The following SP4 variants were observed in gnomAD, a reference collection of about 807,000 sequenced individuals.
SP4 encodes the protein transcription factor Sp4.
SP4 carries 19 observed loss-of-function variants against 72.8 expected under a neutral mutation model. The observed-to-expected ratio is 0.26, with a 90% CI of 0.18 to 0.38. The LOEUF (loss-of-function observed/expected upper bound fraction) is 0.38, where lower values mean the gene tolerates loss of function less well. Ranked by LOEUF, SP4 falls within the 10% of genes least tolerant of loss-of-function variation. The pLI, the probability that SP4 is intolerant of heterozygous loss-of-function variation, is 1.00. For synonymous variants in SP4, 395 were observed against 333.1 expected (o/e 1.19, Z -2.02); for missense variants, 1,008 against 926.3 (o/e 1.09, Z -1.14).
intron 3 of SP4, among the ~76,000 whole-genome samples, chr7:21,443,058 A>C (rs1783311004): frequency 6.6e-6 from 1 of 152,254 alleles, no homozygotes; most frequent in Admixed American, 6.5e-5. Flanking sequence ...TGTAAACATT[A>C]CAAAATTGAG....
Position 21,428,179 on chromosome 7 carries a change from T to TCCCCCCCCCCCCCCCCCCCCCC in SP4, c.-70_-69insCCCCCCCCCCCCCCCCCCCCCC. ...GCGGGCGGGCGGGACCGGCCTCTCCTCCCGCCTCGCCCCCACCCCCACCCA... is the reference window on the plus strand; with the variant it reads ...GCGGGCGGGCGGGACCGGCCTCTCCTCCCCCCCCCCCCCCCCCCCCCCCCCGCCTCGCCCCCACCCCCACCCA... On this transcript the variant is annotated 5_prime_UTR_variant, in exon 1 of 6. Coordinates refer to ENST00000222584, the MANE Select transcript of SP4 (RefSeq NM_003112.5). The TCCCCCCCCCCCCCCCCCCCCCC allele has an allele frequency of 5.0e-6, 3 of 600,794 alleles. No individual in the cohort carries two copies. The highest frequency in any genetic ancestry group is 3.8e-5 in the East Asian group (1 of 26,626). 37.2% of individuals were successfully genotyped at this position (600,794 alleles called of 1,614,324 possible). A position where few individuals can be genotyped will look rare whatever the true frequency, so the allele number is the denominator to read the frequency against.
At chr7:21,467,354 C>A (rs1400938499) in intron 3 of SP4, among the ~76,000 whole-genome samples, 1 of 151,892 alleles carries the variant, frequency 6.6e-6, no homozygotes, top group Non-Finnish European at 1.5e-5. Context: ...AAAAAAACAA[C>A]TTTATTTATA....
At chr7:21,437,620 C>T (rs1022790685) in intron 3 of SP4, among the ~76,000 whole-genome samples, 23 of 152,006 alleles carry the variant, frequency 1.5e-4, no homozygotes, top group African/African-American at 5.6e-4. Flanking sequence ...TCTTAATAGG[C>T]TGAAATGGTG....
chr7:21,457,475 A>G (rs189751102), intron 3 of SP4, among the ~76,000 whole-genome samples: 4 of 152,278 alleles, frequency 2.6e-5, no homozygotes, highest in Non-Finnish European at 5.9e-5. Context: ...AGCTCTGTTG[A>G]AAAAAAACTT....
rs547141000 is a variant in SP4, at chr7:21,434,444, A to G, written c.1678+3601A>G. Among the ~76,000 whole-genome samples the G allele has an allele frequency of 2.0e-5, 3 of 152,278 alleles. No homozygotes were observed. The East Asian group carries it at 5.8e-4, about 29-fold the overall frequency. ...TAGGGGGATCCTCTTCCCATTAACA[A>G]CGTGTTCAGTATAATGTGTTTCTGT... On this transcript the variant is annotated intron_variant, in intron 3 of 5. Transcript: ENST00000222584.
rs1422644253 is a variant in SP4 at position 21,513,154 on chromosome 7, T to C, written c.*1885T>C. ...AATTCTCTTCCAAAATTGTGATGTT[T>C]CTTGTATTTTTGATGAAGGAGAAAT... is the stretch of plus-strand genomic sequence containing the variant. On this transcript the variant is annotated 3_prime_UTR_variant, in exon 6 of 6. Transcript: ENST00000222584. The C allele has an allele frequency of 2.0e-5, 3 of 152,636 alleles. No homozygotes were observed. The highest frequency in any genetic ancestry group is 7.2e-5 in the African/African-American group (3 of 41,456). The allele number at this position is 152,636 out of a possible 1,614,324, so 9.5% of individuals were successfully genotyped here.
chr7:21,474,254 G>A (rs536446727), intron 3 of SP4, among the ~76,000 whole-genome samples: 2 of 151,880 alleles, frequency 1.3e-5, no homozygotes, highest in African/African-American at 4.8e-5. Flanking sequence ...ATATTATTGC[G>A]ACCTTTAAAG....
At chr7:21,477,455 T>C (rs1784535483) in intron 4 of SP4, 148 bp downstream of exon 4, 1 of 628,158 alleles carries the variant, frequency 1.6e-6, no homozygotes, top group African/African-American at 1.8e-5. Flanking sequence ...GGAATTAAGT[T>C]GGGCTATTTT....
At chr7:21,478,741 A>G (rs1377622984) in intron 4 of SP4, among the ~76,000 whole-genome samples, 1 of 152,206 alleles carries the variant, frequency 6.6e-6, no homozygotes, top group African/African-American at 2.4e-5. Flanking sequence ...TATATATTCT[A>G]CATACAAATT....
intron 3 of SP4, among the ~76,000 whole-genome samples, chr7:21,475,120 G>GTT (rs563629984): frequency 7.0e-6 from 1 of 143,346 alleles, no homozygotes; most frequent in East Asian, 2.0e-4. Flanking sequence ...TTTGTTTTTT[G>GTT]TTTTTTTTTT....
intron 5 of SP4, among the ~76,000 whole-genome samples, chr7:21,498,254 CTA>C (rs1216973737): frequency 2.0e-5 from 3 of 151,944 alleles, no homozygotes; most frequent in African/African-American, 7.3e-5. Flanking sequence ...TAAAAGTAAT[CTA>C]GAGATGATTT....
intron 3 of SP4, among the ~76,000 whole-genome samples, chr7:21,468,022 G>A (rs1009041970): frequency 7.9e-5 from 12 of 151,876 alleles, no homozygotes; most frequent in African/African-American, 1.9e-4. Flanking sequence ...TCAAATTTGC[G>A]GATCTGTCTT....
intron 3 of SP4, among the ~76,000 whole-genome samples, chr7:21,466,439 T>A (rs1378272500): frequency 2.0e-5 from 3 of 152,196 alleles, no homozygotes; most frequent in African/African-American, 7.2e-5. Context: ...ATACACTATT[T>A]CAGTCAACTC....
intron 3 of SP4, among the ~76,000 whole-genome samples, chr7:21,465,727 A>C (rs533142908): frequency 6.6e-6 from 1 of 152,096 alleles, no homozygotes; most frequent in Non-Finnish European, 1.5e-5. Flanking sequence ...TTAGCTGGGT[A>C]TGGTGGCACT....
At chr7:21,483,966 T>C (rs1295296988) in intron 5 of SP4, among the ~76,000 whole-genome samples, 1 of 151,910 alleles carries the variant, frequency 6.6e-6, no homozygotes, top group African/African-American at 2.4e-5. Flanking sequence ...CTGACATTTC[T>C]AAATCAGCTG....
chr7:21,477,482 C>T (rs1004903871), intron 4 of SP4, among the ~76,000 whole-genome samples, 175 bp downstream of exon 4: 4 of 152,194 alleles, frequency 2.6e-5, no homozygotes, highest in African/African-American at 4.8e-5. Context: ...GAAATTTGAG[C>T]GGTCCTCCGC....
At chr7:21,491,902 T>C (rs112269847) in intron 5 of SP4, among the ~76,000 whole-genome samples, 88 of 139,904 alleles carry the variant, frequency 6.3e-4, no homozygotes, top group African/African-American at 2.2e-3. Context: ...GTAAAATTAA[T>C]TATACCAGAG....
At chr7:21,450,971 G>A (rs1373229502) in intron 3 of SP4, among the ~76,000 whole-genome samples, 3 of 152,214 alleles carry the variant, frequency 2.0e-5, no homozygotes, top group African/African-American at 7.2e-5. Flanking sequence ...AGAGTCAAGT[G>A]TGTGGTTTGA....
At chr7:21,508,799 T>C (rs1474046324) in intron 5 of SP4, among the ~76,000 whole-genome samples, 3 of 147,148 alleles carry the variant, frequency 2.0e-5, no homozygotes, top group African/African-American at 7.6e-5. Context: ...CAGGGCCTTG[T>C]CTACACACTT....
Sources: gnomAD v4.1 joint callset for allele counts (sites outside exome capture counted in the v4.1 genomes callset) on GRCh38, gnomAD v4.1.1 for gene constraint, MANE v1.5 for transcripts, NCBI Gene and HGNC (gene_info 2026-07-23, HGNC 2026-07-21) for gene names.